ATP13A4: variants seen among roughly 807,000 people sequenced by gnomAD.
ATP13A4 encodes the protein ATPase 13A4.
In ATP13A4, 114 loss-of-function variants were observed where a neutral mutation model predicts 142.5. The ratio of observed to expected loss-of-function variants is 0.80; its 90% CI spans 0.69 to 0.93. The LOEUF (loss-of-function observed/expected upper bound fraction) is 0.93, where lower values mean the gene tolerates loss of function less well. Ranked by LOEUF, ATP13A4 falls within the 40% of genes least tolerant of loss-of-function variation. ATP13A4 has a pLI of 0.00. For synonymous variants in ATP13A4, 488 were observed against 514.8 expected, an observed-to-expected ratio of 0.95 and a Z score of 0.70; for missense variants, 1,392 against 1,454.0, an observed-to-expected ratio of 0.96 and a Z score of 0.69.
At chr3:193,530,549 T>C (rs1257902529) in intron 1 of ATP13A4, among the ~76,000 whole-genome samples, 1 of 152,228 alleles carries the variant, frequency 6.6e-6, no homozygotes, top group Non-Finnish European at 1.5e-5. Flanking sequence ...ATTAGTTTCC[T>C]TTGCTCCATC....
Position 193,441,015 on chromosome 3 carries a change from C to CTA in ATP13A4, c.2440-379_2440-378insTA, listed in dbSNP as rs202004552. Reference sequence around the variant, plus strand: ...ACTATCGATCTATCTCTCTCTCTCTCTCTATATATATATATCTAAAACTTA... The same window carrying CTA: ...ACTATCGATCTATCTCTCTCTCTCTCTATCTATATATATATATCTAAAACTTA... On this transcript the variant is annotated intron_variant, in intron 20 of 29. Transcript: ENST00000342695. Among the ~76,000 whole-genome samples the CTA allele has an allele frequency of 7.5e-3, 1,121 of 149,402 alleles. 10 individuals are homozygous for CTA. Among genetic ancestry groups the CTA allele is most frequent in the African/African-American group, 0.017 (704 of 41,032 alleles).
chr3:193,526,943 CA>C (rs893954143), intron 1 of ATP13A4, among the ~76,000 whole-genome samples: 2 of 151,448 alleles, frequency 1.3e-5, no homozygotes, highest in African/African-American at 2.4e-5. Context: ...TGTGGCACTT[CA>C]AAAAAAATGC....
chr3:193,482,848 G>C (rs994271274), intron 8 of ATP13A4, among the ~76,000 whole-genome samples: 1 of 152,188 alleles, frequency 6.6e-6, no homozygotes, highest in Admixed American at 6.5e-5. Flanking sequence ...TTCTTAAAAT[G>C]TTAAATATCT....
chr3:193,552,224 G>C (rs568105504), intron 1 of ATP13A4, among the ~76,000 whole-genome samples: 1 of 152,070 alleles, frequency 6.6e-6, no homozygotes, highest in Non-Finnish European at 1.5e-5. Context: ...CGCCCGCCTC[G>C]GCCTCCCAAA....
intron 29 of ATP13A4, among the ~76,000 whole-genome samples, chr3:193,405,002 G>A (rs1186849054): frequency 2.0e-5 from 3 of 152,142 alleles, no homozygotes; most frequent in Admixed American, 6.5e-5. Flanking sequence ...CCTCTCAGCT[G>A]GAGGTTCGAT....
At chr3:193,526,299 G>T (rs1721999432) in intron 1 of ATP13A4, among the ~76,000 whole-genome samples, 1 of 152,120 alleles carries the variant, frequency 6.6e-6, no homozygotes, top group Non-Finnish European at 1.5e-5. Context: ...TCCTTGGCAG[G>T]GACATGGATA....
At chr3:193,573,292 CATATATATATATATACATATATAT>C (rs1161447871) in intron 2 of ATP13A4, among the ~76,000 whole-genome samples, 1 of 107,888 alleles carries the variant, frequency 9.3e-6, no homozygotes, top group Non-Finnish European at 1.7e-5. Context: ...TATATATACA[CATATATATATATATACATATATAT>C]ATATATATAT....
chr3:193,555,489 C>T (rs1723851010), upstream of ATP13A4, among the ~76,000 whole-genome samples: 1 of 152,086 alleles, frequency 6.6e-6, no homozygotes, highest in African/African-American at 2.4e-5. Flanking sequence ...AGAAAAAGAA[C>T]AAAGGTATCA....
intron 1 of ATP13A4, among the ~76,000 whole-genome samples, chr3:193,542,394 T>A (rs916609980): frequency 1.3e-5 from 2 of 152,096 alleles, no homozygotes; most frequent in Non-Finnish European, 2.9e-5. Flanking sequence ...ATGGCCACAC[T>A]GCCCAAAGTA....
chr3:193,410,660 A>T (rs568517989), intron 28 of ATP13A4, among the ~76,000 whole-genome samples: 56 of 152,216 alleles, frequency 3.7e-4, no homozygotes, highest in Non-Finnish European at 6.0e-4. Flanking sequence ...TTGAGGCTAT[A>T]GTGAACTACG....
intron 20 of ATP13A4, 38 bp downstream of exon 20, chr3:193,441,428 C>A (rs752351538): frequency 5.6e-6 from 9 of 1,611,670 alleles, no homozygotes; most frequent in Non-Finnish European, 7.6e-6. Context: ...ACATCATCAG[C>A]ATTTTCATAG....
chr3:193,411,382 A>C (rs1714758963), intron 27 of ATP13A4, among the ~76,000 whole-genome samples: 1 of 152,216 alleles, frequency 6.6e-6, no homozygotes, highest in Non-Finnish European at 1.5e-5. Context: ...TATCTGAGTC[A>C]CTTTAATGCA....
At chr3:193,527,610 T>TAAAA (rs749744484) in intron 1 of ATP13A4, among the ~76,000 whole-genome samples, 1 of 127,526 alleles carries the variant, frequency 7.8e-6, no homozygotes, top group African/African-American at 2.9e-5. Flanking sequence ...AGGCTCCATC[T>TAAAA]AAAAAAAAAA....
intron 2 of ATP13A4, among the ~76,000 whole-genome samples, chr3:193,561,049 A>G (rs985198488): frequency 6.6e-6 from 1 of 152,158 alleles, no homozygotes; most frequent in Non-Finnish European, 1.5e-5. Flanking sequence ...TGGCATGGGA[A>G]AGGCTTCTTC....
intron 2 of ATP13A4, among the ~76,000 whole-genome samples, chr3:193,567,144 A>G (rs73063974): frequency 2.0e-5 from 3 of 152,336 alleles, no homozygotes; most frequent in African/African-American, 7.2e-5. Flanking sequence ...ATATCAGAAT[A>G]TTCAGGAATG....
chr3:193,590,894 G>T (rs746933708), intron 1 of ATP13A4, among the ~76,000 whole-genome samples: 1 of 152,154 alleles, frequency 6.6e-6, no homozygotes, highest in African/African-American at 2.4e-5. Flanking sequence ...GTGAACTACC[G>T]GAGAGGACAT....
intron 1 of ATP13A4, among the ~76,000 whole-genome samples, chr3:193,531,167 A>T (rs1476199912): frequency 6.6e-6 from 1 of 151,826 alleles, no homozygotes; most frequent in Non-Finnish European, 1.5e-5. Flanking sequence ...GTGTAAAAGC[A>T]CTAGCCCGTT....
intron 2 of ATP13A4, among the ~76,000 whole-genome samples, chr3:193,568,703 C>T (rs185808598): frequency 6.6e-6 from 1 of 152,046 alleles, no homozygotes; most frequent in African/African-American, 2.4e-5. Flanking sequence ...GGACTGGGGA[C>T]ACAAATATAC....
chr3:193,573,877 A>T (rs76365563), intron 2 of ATP13A4, among the ~76,000 whole-genome samples: 9,150 of 152,268 alleles, frequency 0.06, 348 homozygotes, highest in Non-Finnish European at 0.093. Flanking sequence ...TCAAAAATCG[A>T]TTTAGAAAAG....
Sources: gnomAD v4.1 joint callset for allele counts (sites outside exome capture counted in the v4.1 genomes callset) on GRCh38, gnomAD v4.1.1 for gene constraint, MANE v1.5 for transcripts, NCBI Gene and HGNC (gene_info 2026-07-23, HGNC 2026-07-21) for gene names.